Variants in ADAR observed in about 807,000 individuals in gnomAD.
ADAR encodes the protein adenosine deaminase RNA specific.
ADAR carries 41 observed loss-of-function variants against 113.2 expected under a neutral mutation model. The observed-to-expected ratio is 0.36, with a 90% CI of 0.28 to 0.47. ADAR has a LOEUF of 0.47. ADAR is among the 20% of genes least tolerant of loss of function. ADAR has a pLI of 1.00. For missense variants in ADAR, 1,242 were observed against 1,540.9 expected, an observed-to-expected ratio of 0.81 and a Z score of 3.25; for synonymous variants, 605 against 572.6, an observed-to-expected ratio of 1.06 and a Z score of -0.81.
chr1:154,612,629 C>A (rs1698520239), upstream of ADAR, among the ~76,000 whole-genome samples: 1 of 151,804 alleles, frequency 6.6e-6, no homozygotes, highest in South Asian at 2.1e-4. Context: ...GCCCAGCCTG[C>A]TCAGTTATTT....
chr1:154,590,101 G>C, intron 7 of ADAR, 83 bp downstream of exon 7: 2 of 1,507,050 alleles, frequency 1.3e-6, no homozygotes, highest in South Asian at 1.1e-5. Flanking sequence ...GGAATAACTC[G>C]CATGACAGCA....
chr1:154,590,877 C>CT (rs769874859), intron 6 of ADAR, among the ~76,000 whole-genome samples: 1 of 151,962 alleles, frequency 6.6e-6, no homozygotes, highest in Non-Finnish European at 1.5e-5. Context: ...TCACTTGAGC[C>CT]CTGGAGGTCA....
chr1:154,596,014 T>C (rs1697468477), intron 6 of ADAR, among the ~76,000 whole-genome samples: 1 of 152,222 alleles, frequency 6.6e-6, no homozygotes, highest in Non-Finnish European at 1.5e-5. Flanking sequence ...TACAGGTTTG[T>C]AGCCTAGGAG....
At chr1:154,606,931 T>G (rs1698221212) in intron 1 of ADAR, among the ~76,000 whole-genome samples, 1 of 41,746 alleles carries the variant, frequency 2.4e-5, no homozygotes, top group Admixed American at 3.1e-4. Flanking sequence ...TTCAAAGGAG[T>G]GCTTAAAAAA....
chr1:154,582,088 T>A lies in ADAR; in HGVS notation c.*2718A>T, dbSNP rs1427278847. On this transcript the variant is annotated 3_prime_UTR_variant, in exon 15 of 15. Transcript: ENST00000368474. The stretch of plus-strand genomic sequence containing the variant: ...AGAATTCAGATTCTTGTTTTTTTTT[T>A]ATTTATGAGGAATGTATATTGTTAA... 6.6e-6 allele frequency: 1 copy of A among 152,452 alleles called. No individual in the cohort carries two copies. Among genetic ancestry groups the A allele is most frequent in the Non-Finnish European group, 1.5e-5 (1 of 68,012 alleles). The allele number at this position is 152,452 out of a possible 1,614,324, so 9.4% of individuals were successfully genotyped here. A position where few individuals can be genotyped will look rare whatever the true frequency, so the allele number is the denominator to read the frequency against.
chr1:154,589,860 C>A lies in ADAR; in HGVS notation c.2565G>T (p.Leu855=), dbSNP rs2101585659. Reference sequence around the variant, plus strand: ...GCAAGGAGGGCTGGAAGCTGTTAGTCAGAGTGTTGAAGCACCGGTGGCTCA... The same window carrying A: ...GCAAGGAGGGCTGGAAGCTGTTAGTAAGAGTGTTGAAGCACCGGTGGCTCA... The part of the protein sequence containing the change: ...AMLSHRCFNT[L]TNSFQPSLLG... Residue 855 remains leucine, a synonymous_variant, in exon 8 of 15, where the codon CTG becomes CTT. Transcript: ENST00000368474. The A allele has an allele frequency of 6.2e-7, 1 of 1,613,898 alleles. No individual in the cohort carries two copies. The highest frequency in any genetic ancestry group is 8.5e-7 in the Non-Finnish European group (1 of 1,180,024).
chr1:154,589,526 G>A (rs753244110), intron 8 of ADAR, 64 bp from the exon 9 acceptor site: 5 of 1,455,230 alleles, frequency 3.4e-6, no homozygotes, highest in Non-Finnish European at 4.8e-6. Context: ...CAGGATGAAG[G>A]CTATTTGTTC....
exon 1 of ADAR, chr1:154,627,913 G>GGCCCTCCCCCCCCCCCCCCC: frequency 9.7e-6 from 5 of 517,152 alleles, no homozygotes; most frequent in South Asian, 2.8e-5. Flanking sequence ...GTGCGGCCGC[G>GGCCCTCCCCCCCCCCCCCCC]ACCCTCCCCC....
Position 154,598,448 on chromosome 1 carries a change from T to C in ADAR, c.1739A>G (p.Lys580Arg), listed in dbSNP as rs1345385120. The C allele has an allele frequency of 6.8e-6, 11 of 1,614,226 alleles. No individual in the cohort carries two copies. Among genetic ancestry groups the C allele is most frequent in the Non-Finnish European group, 9.3e-6 (11 of 1,180,038 alleles). ...LEEAKAKDSG[K>R]SEESSHYSTE... is the part of the protein sequence containing the mutation. ...GGAATAGTGGGATGATTCTTCTGAT[T>C]TTCCACTGTCCTTGGCTTTGGCTTC... Residue 580 changes from lysine (K) to arginine (R), a missense_variant, in exon 3 of 15, where the codon AAA (lysine) becomes AGA (arginine). Lys to Arg is a conservative substitution (Grantham distance 26). This residue lies in a region of ADAR where 780 missense variants were observed against 1,057.9 expected (regional missense o/e 0.74). Coordinates refer to ENST00000368474, the MANE Select transcript of ADAR (RefSeq NM_001111.5).
chr1:154,603,226 G>C (rs1036117915), intron 1 of ADAR, among the ~76,000 whole-genome samples: 4 of 152,118 alleles, frequency 2.6e-5, no homozygotes, highest in Non-Finnish European at 5.9e-5. Flanking sequence ...GTCCTCCAAG[G>C]CTGTAACAGC....
chr1:154,593,392 T>C (rs1697292954), intron 6 of ADAR, among the ~76,000 whole-genome samples: 1 of 152,196 alleles, frequency 6.6e-6, no homozygotes, highest in South Asian at 2.1e-4. Context: ...TCACCTCCAA[T>C]GGCACATTTC....
At position 154,585,843 on chromosome 1, in the gene ADAR, A is replaced by G. The variant is rs1696721970; in HGVS notation, c.3225T>C (p.His1075=). Residue 1075 remains histidine (H), a synonymous_variant, in exon 13 of 15, where the codon CAT becomes CAC. Coordinates refer to ENST00000368474, the MANE Select transcript of ADAR (RefSeq NM_001111.5). ...VTLGYLFSQG[H]LTRAICCRVT... ...CACGACAGCAAATAGCACGGGTCAG[A>G]TGCCCTTGGCTGAAAAGGTAACCTG... The G allele has an allele frequency of 1.2e-6, 2 of 1,614,160 alleles. No individual in the cohort carries two copies. The highest frequency in any genetic ancestry group is 1.3e-5 in the African/African-American group (1 of 75,070).
intron 1 of ADAR, among the ~76,000 whole-genome samples, chr1:154,620,417 C>A (rs983654302): frequency 4.6e-5 from 7 of 150,546 alleles, no homozygotes; most frequent in Non-Finnish European, 8.9e-5. Context: ...AAAAAAAAAA[C>A]AAACAATGGT....
rs745949589 is a variant in ADAR, at chr1:154,602,495, C to T, written c.147G>A (p.Gly49=). 1.9e-6 allele frequency: 3 copies of T among 1,614,076 alleles called. No individual in the cohort carries two copies. Among genetic ancestry groups the T allele is most frequent in the African/African-American group, 2.7e-5 (2 of 74,932 alleles). Reference sequence around the variant, plus strand: ...CAATCACCGGTGCTTCTGGGAGCTGCCCCTTGAGAAATTCTATTTGCTTAA... The same window carrying T: ...CAATCACCGGTGCTTCTGGGAGCTGTCCCTTGAGAAATTCTATTTGCTTAA... ...FLLKQIEFLK[G]QLPEAPVIGK... The change falls in exon 2 of 15, where the codon GGG becomes GGA. Residue 49 remains glycine, a synonymous_variant. Transcript: ENST00000368474.
At position 154,623,534 on chromosome 1, in the gene ADAR, G is replaced by A. The variant is rs769427122; in HGVS notation, c.-871+4321C>T. Among the ~76,000 whole-genome samples, 71 of 152,270 alleles carry A rather than the reference G, an allele frequency of 4.7e-4. No individual in the cohort carries two copies. In the Middle Eastern group the frequency reaches 0.017, roughly 36 times the overall value. On this transcript the variant is annotated intron_variant, in intron 1 of 14. Coordinates refer to the ADAR transcript ENST00000368471. ...CCTCTGAACTTCCCCATCCCATAAG[G>A]TTATGGACGGGCAGTTTACTTCCTC...
At chr1:154,624,265 A>G (rs1698875159) in intron 1 of ADAR, among the ~76,000 whole-genome samples, 1 of 152,182 alleles carries the variant, frequency 6.6e-6, no homozygotes, top group Non-Finnish European at 1.5e-5. Flanking sequence ...TTTGGAGAAG[A>G]GCTTCATTCT....
In ADAR at chr1:154,588,488, T is replaced by C. The variant is rs539369265; in HGVS notation, c.2885+63A>G. On this transcript the variant is annotated intron_variant, in intron 10 of 14. Coordinates refer to ENST00000368474, the MANE Select transcript of ADAR (RefSeq NM_001111.5). ...TTCGATTTACAGGCCAGGAGAGCATTTGGATACCCAATTCTAACAGCCTGG... is the reference window on the plus strand; with the variant it reads ...TTCGATTTACAGGCCAGGAGAGCATCTGGATACCCAATTCTAACAGCCTGG... 25 of 1,605,352 alleles carry C rather than the reference T, an allele frequency of 1.6e-5. No homozygotes were observed. The African/African-American group carries it at 2.9e-4, about 19-fold the overall frequency.
chr1:154,606,432 ATAG>A (rs1488088070), intron 1 of ADAR, among the ~76,000 whole-genome samples: 2 of 152,222 alleles, frequency 1.3e-5, no homozygotes, highest in Non-Finnish European at 2.9e-5. Flanking sequence ...AAGTTGTAGA[ATAG>A]TATGTACATT....
intron 4 of ADAR, 69 bp downstream of exon 4, chr1:154,597,759 A>G (rs1697597619): frequency 6.3e-7 from 1 of 1,599,838 alleles, no homozygotes; most frequent in African/African-American, 1.3e-5. Context: ...CTGAGGAGGC[A>G]AGGAAGAAAA....
Sources: allele counts gnomAD v4.1 joint callset (sites outside exome capture counted in the v4.1 genomes callset), GRCh38; gene constraint gnomAD v4.1.1; regional missense constraint gnomAD v4.1.1; transcripts MANE v1.5; gene names NCBI Gene and HGNC (gene_info 2026-07-23, HGNC 2026-07-21).